ESRRG: variants seen among roughly 807,000 people sequenced by gnomAD.
ESRRG encodes estrogen-related receptor gamma.
A neutral mutation model predicts 44.0 loss-of-function variants in ESRRG; 13 were observed. That is an observed-to-expected ratio of 0.30 (90% CI 0.19 to 0.47). The LOEUF (loss-of-function observed/expected upper bound fraction) is 0.47, where lower values mean the gene tolerates loss of function less well. Ranked by LOEUF, ESRRG falls within the 20% of genes least tolerant of loss-of-function variation. The pLI is 1.00. For synonymous variants in ESRRG, 215 were observed against 214.6 expected, an observed-to-expected ratio of 1.00 and a Z score of -0.02; for missense variants, 395 against 580.6, an observed-to-expected ratio of 0.68 and a Z score of 3.29.
intron 2 of ESRRG, chr1:216,862,221 C>G (rs982558977): frequency 7.4e-6 from 1 of 135,546 alleles, no homozygotes; most frequent in Admixed American, 7.5e-5. Context: ...AGACTTGTAA[C>G]AGTTTCCCTT....
At chr1:216,686,956 T>C (rs1209328535) in intron 1 of ESRRG, among the ~76,000 whole-genome samples, 2 of 152,108 alleles carry the variant, frequency 1.3e-5, no homozygotes, top group Non-Finnish European at 2.9e-5. Flanking sequence ...GGAGCACTCT[T>C]CAAACTCCCA....
upstream of ESRRG, among the ~76,000 whole-genome samples, chr1:217,090,731 A>T (rs1241598284): frequency 6.6e-6 from 1 of 152,206 alleles, no homozygotes; most frequent in Non-Finnish European, 1.5e-5. Context: ...GGCTCCGGGC[A>T]TCTGGCCCAC....
At chr1:217,021,505 T>C (rs1009672745) in intron 1 of ESRRG, among the ~76,000 whole-genome samples, 5 of 152,306 alleles carry the variant, frequency 3.3e-5, no homozygotes, top group Admixed American at 3.3e-4. Flanking sequence ...ATGCAGGAGA[T>C]TGATGGGATT....
intron 2 of ESRRG, among the ~76,000 whole-genome samples, chr1:216,653,799 T>C (rs993258817): frequency 1.3e-5 from 2 of 152,054 alleles, no homozygotes; most frequent in Non-Finnish European, 2.9e-5. Context: ...TAGAGGACAA[T>C]GGACATTTCT....
chr1:217,114,058 A>G (rs2092691201), intron 1 of ESRRG, among the ~76,000 whole-genome samples: 1 of 152,156 alleles, frequency 6.6e-6, no homozygotes, highest in African/African-American at 2.4e-5. Flanking sequence ...TACTGTTTAT[A>G]GATAAAACTC....
At chr1:216,706,261 G>T (rs1575562166) in intron 1 of ESRRG, among the ~76,000 whole-genome samples, 1 of 152,006 alleles carries the variant, frequency 6.6e-6, no homozygotes, top group African/African-American at 2.4e-5. Context: ...ACTATGGCGG[G>T]GGTGGGGGGC....
At chr1:216,560,945 T>C (rs984523403) in intron 5 of ESRRG, among the ~76,000 whole-genome samples, 18 of 152,160 alleles carry the variant, frequency 1.2e-4, no homozygotes, top group African/African-American at 4.3e-4. Context: ...GGCCCTGTCA[T>C]TCTTAAAAAG....
chr1:216,891,325 C>T (rs2057761957), intron 2 of ESRRG, among the ~76,000 whole-genome samples: 1 of 152,194 alleles, frequency 6.6e-6, no homozygotes, highest in South Asian at 2.1e-4. Context: ...TTATTACAAT[C>T]AATCCTGTGG....
chr1:217,002,239 T>G (rs1449050785), intron 1 of ESRRG, among the ~76,000 whole-genome samples: 3 of 144,410 alleles, frequency 2.1e-5, no homozygotes, highest in African/African-American at 7.8e-5. Context: ...GAGGCAGAGC[T>G]GGCAGTGAGC....
At chr1:216,560,805 T>C (rs1039915525) in intron 5 of ESRRG, among the ~76,000 whole-genome samples, 10 of 152,182 alleles carry the variant, frequency 6.6e-5, no homozygotes, top group African/African-American at 2.4e-4. Flanking sequence ...AGCTCAATCA[T>C]ATTGTGTTAG....
chr1:216,649,381 G>A (rs1336882332), intron 3 of ESRRG, among the ~76,000 whole-genome samples: 1 of 151,980 alleles, frequency 6.6e-6, no homozygotes, highest in Non-Finnish European at 1.5e-5. Context: ...ATGTGACACT[G>A]TCACCAATCT....
At chr1:216,925,830 A>C (rs879667055) in intron 2 of ESRRG, among the ~76,000 whole-genome samples, 4 of 151,246 alleles carry the variant, frequency 2.6e-5, no homozygotes, top group Admixed American at 6.6e-5. Context: ...TACTCCTGTA[A>C]TCCCAGCTAC....
chr1:216,682,654 G>A (rs1483235449), intron 1 of ESRRG, among the ~76,000 whole-genome samples: 3 of 151,696 alleles, frequency 2.0e-5, no homozygotes, highest in African/African-American at 7.3e-5. Context: ...GAAATTACCA[G>A]ATTAAATATT....
At chr1:216,910,822 A>C (rs1375431959) in intron 2 of ESRRG, among the ~76,000 whole-genome samples, 1 of 152,192 alleles carries the variant, frequency 6.6e-6, no homozygotes, top group Non-Finnish European at 1.5e-5. Flanking sequence ...TACATTGATA[A>C]GAATTGGACT....
intron 1 of ESRRG, among the ~76,000 whole-genome samples, chr1:216,971,173 T>A (rs746691670): frequency 1.2e-4 from 19 of 152,086 alleles, no homozygotes; most frequent in Admixed American, 3.3e-4. Flanking sequence ...GAAAAAAAAA[T>A]ATGTTCTCTC....
intron 2 of ESRRG, among the ~76,000 whole-genome samples, chr1:216,919,991 A>G (rs2061626462): frequency 6.6e-6 from 1 of 152,180 alleles, no homozygotes; most frequent in Non-Finnish European, 1.5e-5. Context: ...AAGCCTACAA[A>G]AGGGTAGCAC....
chr1:216,888,799 T>A (rs966162440), intron 2 of ESRRG, among the ~76,000 whole-genome samples: 2 of 152,118 alleles, frequency 1.3e-5, no homozygotes, highest in Admixed American at 1.3e-4. Flanking sequence ...AGCGTTTACG[T>A]TCTCAGGGCT....
intron 2 of ESRRG, among the ~76,000 whole-genome samples, chr1:216,730,504 A>T (rs2088555538): frequency 6.6e-6 from 1 of 151,930 alleles, no homozygotes; most frequent in Non-Finnish European, 1.5e-5. Flanking sequence ...CCTACTCTAA[A>T]CTCTATCTGA....
chr1:216,801,111 C>A (rs987722696), intron 2 of ESRRG, among the ~76,000 whole-genome samples: 10 of 152,104 alleles, frequency 6.6e-5, no homozygotes, highest in Non-Finnish European at 1.2e-4. Flanking sequence ...TTATTGATTG[C>A]AAGAGCACCT....
Sources: gnomAD v4.1 joint callset for allele counts (sites outside exome capture counted in the v4.1 genomes callset) on GRCh38, gnomAD v4.1.1 for gene constraint, MANE v1.5 for transcripts, NCBI Gene and HGNC (gene_info 2026-07-23, HGNC 2026-07-21) for gene names.